Variants in COMMD3 observed in about 807,000 individuals in gnomAD.
COMMD3 encodes the protein COMM domain containing 3.
A neutral mutation model predicts 31.2 loss-of-function variants in COMMD3; 31 were observed. That is an observed-to-expected ratio of 0.99 (90% CI 0.75 to 1.34). The LOEUF (loss-of-function observed/expected upper bound fraction) is 1.34. Among genes scored for constraint, COMMD3 ranks in the 40% most tolerant of loss-of-function variants. The pLI, the probability that COMMD3 is intolerant of heterozygous loss-of-function variation, is 0.00. For synonymous variants in COMMD3, 108 were observed against 87.3 expected, an observed-to-expected ratio of 1.24 and a Z score of -1.32; for missense variants, 274 against 236.9, an observed-to-expected ratio of 1.16 and a Z score of -1.03.
At chr10:22,316,603 G>A (rs1007314644) in intron 1 of COMMD3, 47 bp downstream of exon 1, 143 of 1,442,358 alleles carry the variant, frequency 9.9e-5, no homozygotes, top group Non-Finnish European at 1.2e-4. Flanking sequence ...GGGGTGGAGG[G>A]GCGCTCGGAG....
In COMMD3 at chr10:22,320,014, G is replaced by A. The variant is rs767967200; in HGVS notation, c.*16G>A. The A allele has an allele frequency of 1.2e-6, 2 of 1,614,092 alleles. No individual in the cohort carries two copies. Among genetic ancestry groups the A allele is most frequent in the East Asian group, 4.5e-5 (2 of 44,880 alleles). On this transcript the variant is annotated 3_prime_UTR_variant, in exon 8 of 8. Coordinates refer to ENST00000376836, the MANE Select transcript of COMMD3 (RefSeq NM_012071.4). ...TCAGTTGTAACTTGGGGAAGTTAAC[G>A]ATCCGCCCGAGTGCAGAGGAAAACC... is the stretch of plus-strand genomic sequence containing the variant.
At chr10:22,316,685 G>A (rs1835856674) in intron 1 of COMMD3, 129 bp downstream of exon 1, 1 of 1,350,560 alleles carries the variant, frequency 7.4e-7, no homozygotes, top group South Asian at 1.7e-5. Context: ...CCTTCGCTCC[G>A]GACGGAGTGT....
At position 22,318,635 on chromosome 10, in the gene COMMD3, TATC is replaced by T. The variant is rs749486060; in HGVS notation, c.351-15_351-13del. 1 of 1,606,100 alleles carries T rather than the reference TATC, an allele frequency of 6.2e-7. No homozygotes were observed. The highest frequency in any genetic ancestry group is 2.2e-5 in the East Asian group (1 of 44,804). ...CTTCTGAGGAGACTATGTACGAAGT[TATC>T]ATTGCATCTTTCAGTATAGGCAGAT... On this transcript the variant is annotated splice_polypyrimidine_tract_variant and intron_variant, in intron 4 of 7. Transcript: ENST00000376836.
At position 22,317,935 on chromosome 10, in the gene COMMD3, C is replaced by G. The variant is rs758546043; in HGVS notation, c.191C>G (p.Ala64Gly). 1.2e-6 allele frequency: 2 copies of G among 1,613,886 alleles called. No homozygotes were observed. The highest frequency in any genetic ancestry group is 1.7e-6 in the Non-Finnish European group (2 of 1,179,946). The change falls in exon 2 of 8, where the codon GCA becomes GGA. Residue 64 changes from alanine (A) to glycine (G), a missense_variant. Ala to Gly is a moderately conservative substitution (Grantham distance 60). Coordinates refer to ENST00000376836, the MANE Select transcript of COMMD3 (RefSeq NM_012071.4). ...IDPVVLKHCHAAAATYILEAG... is the reference protein window; with the variant it reads ...IDPVVLKHCHGAAATYILEAG... The stretch of plus-strand genomic sequence containing the variant: ...CCAGTGGTTTTAAAACATTGTCATG[C>G]AGCAGCTGCAACTTACATACTAGAG...
intron 1 of COMMD3, 135 bp downstream of exon 1, chr10:22,316,691 A>G: frequency 7.5e-7 from 1 of 1,339,138 alleles, no homozygotes; most frequent in South Asian, 1.7e-5. Context: ...CTCCGGACGG[A>G]GTGTTGGGGA....
In COMMD3 at chr10:22,318,973, A is replaced by G; in HGVS notation, c.483A>G (p.Pro161=). The G allele has an allele frequency of 1.2e-6, 2 of 1,613,024 alleles. No homozygotes were observed. Among genetic ancestry groups the G allele is most frequent in the South Asian group, 2.2e-5 (2 of 90,938 alleles). The change falls in exon 7 of 8, where the codon CCA becomes CCG. Residue 161 remains proline, a synonymous_variant. Coordinates refer to ENST00000376836, the MANE Select transcript of COMMD3 (RefSeq NM_012071.4). ...VTLSVQNTDS[P]SYPEISFSCS... ...TCCTGCCCTAGAACACTGATTCCCC[A>G]TCCTATCCAGAGATTAGTTTTAGTT...
At chr10:22,319,760 G>T in intron 7 of COMMD3, 179 bp from the exon 8 acceptor site, 2 of 660,456 alleles carry the variant, frequency 3.0e-6, no homozygotes, top group South Asian at 2.0e-5. Context: ...TGAACATGAG[G>T]TATTTCCGAG....
chr10:22,316,575 CTCGGA>C lies in COMMD3; in HGVS notation c.139+20_139+24del. 2 of 1,532,674 alleles carry C rather than the reference CTCGGA, an allele frequency of 1.3e-6. No homozygotes were observed. The highest frequency in any genetic ancestry group is 1.8e-6 in the Non-Finnish European group (2 of 1,136,714). The allele number at this position is 1,532,674 out of a possible 1,614,324, so 94.9% of individuals were successfully genotyped here. A position where few individuals can be genotyped will look rare whatever the true frequency, so the allele number is the denominator to read the frequency against. Reference sequence around the variant, plus strand: ...GTGTTAGGTAAGCCGCTCGGCTCGGCTCGGAGCTGGATCCGCCGGGGTGGAGGGGC... The same window carrying C: ...GTGTTAGGTAAGCCGCTCGGCTCGGCGCTGGATCCGCCGGGGTGGAGGGGC... On this transcript the variant is annotated intron_variant, in intron 1 of 7. Coordinates refer to ENST00000376836, the MANE Select transcript of COMMD3 (RefSeq NM_012071.4).
chr10:22,318,793 TGTG>T lies in COMMD3; in HGVS notation c.412-12_412-10del. 1 of 1,614,018 alleles carries T rather than the reference TGTG, an allele frequency of 6.2e-7. No homozygotes were observed. The highest frequency in any genetic ancestry group is 8.5e-7 in the Non-Finnish European group (1 of 1,179,926). Reference sequence around the variant, plus strand: ...GAGTTAAAAGCTGTTGCGTGTTTGTTGTGTTATTTTAGACCAATCAACTTCATA... The same window carrying T: ...GAGTTAAAAGCTGTTGCGTGTTTGTTTTATTTTAGACCAATCAACTTCATA... On this transcript the variant is annotated splice_polypyrimidine_tract_variant and intron_variant, in intron 5 of 7. Transcript: ENST00000376836.
In COMMD3 at chr10:22,318,084, CT is replaced by C. The variant is rs528306454; in HGVS notation, c.252-12del. The C allele has an allele frequency of 4.4e-5, 70 of 1,599,444 alleles. No homozygotes were observed. The highest frequency in any genetic ancestry group is 3.3e-4 in the Middle Eastern group (2 of 5,984). On this transcript the variant is annotated intron_variant, in intron 2 of 7. Coordinates refer to ENST00000376836, the MANE Select transcript of COMMD3 (RefSeq NM_012071.4). Reference sequence around the variant, plus strand: ...TTTAAAAATGGAGACAGAACTTTGGCTTTTTTTTTCTTTCTTCTAGCACTTA... The same window carrying C: ...TTTAAAAATGGAGACAGAACTTTGGCTTTTTTTTCTTTCTTCTAGCACTTA...
In COMMD3 at chr10:22,319,997, A is replaced by C; in HGVS notation, c.587A>C (p.Ter196SerextTer40). 1 of 1,614,156 alleles carries C rather than the reference A, an allele frequency of 6.2e-7. No individual in the cohort carries two copies. Among genetic ancestry groups the C allele is most frequent in the South Asian group, 1.1e-5 (1 of 91,090 alleles). Residue 196 changes from the stop codon to serine (S), a stop_lost, in exon 8 of 8, where the codon TAA (stop) becomes TCA (serine). Transcript: ENST00000376836. ...SKSLERATQL[*>S] ...AGCCTGGAAAGAGCAACTCAGTTGT[A>C]ACTTGGGGAAGTTAACGATCCGCCC...
Position 22,316,649 on chromosome 10 carries a change from G to T in COMMD3, c.139+93G>T. 6 of 1,379,168 alleles carry T rather than the reference G, an allele frequency of 4.4e-6. No homozygotes were observed. The East Asian group carries it at 1.1e-4, about 26-fold the overall frequency. 85.4% of individuals were successfully genotyped at this position (1,379,168 alleles called of 1,614,324 possible). A position where few individuals can be genotyped will look rare whatever the true frequency, so the allele number is the denominator to read the frequency against. ...GGCGGAGCGAGAAGGGGAAAGCCCC[G>T]GGAAGAGGAAGTCTCCGGGCTTTGC... On this transcript the variant is annotated intron_variant, in intron 1 of 7. Transcript: ENST00000376836.
chr10:22,319,582 C>A, intron 7 of COMMD3: 1 of 176,328 alleles, frequency 5.7e-6, no homozygotes, highest in Non-Finnish European at 1.2e-5. Context: ...TTTTCAAAGG[C>A]ATCTTCTGCA....
intron 7 of COMMD3, 71 bp from the exon 8 acceptor site, chr10:22,319,868 T>A (rs942749980): frequency 7.0e-6 from 11 of 1,576,462 alleles, no homozygotes; most frequent in African/African-American, 2.7e-5. Flanking sequence ...TTTTCTTGCA[T>A]CTTTCTTGAG....
At chr10:22,318,330 G>A in intron 4 of COMMD3, 24 bp downstream of exon 4, 1 of 1,585,458 alleles carries the variant, frequency 6.3e-7, no homozygotes, top group Non-Finnish European at 8.5e-7. Flanking sequence ...AAGGTGTCAA[G>A]CTGAGGCACT....
At chr10:22,318,938 G>C (rs775584652) in intron 6 of COMMD3, 21 bp from the exon 7 acceptor site, 2 of 1,610,958 alleles carry the variant, frequency 1.2e-6, no homozygotes, top group Admixed American at 1.7e-5. Context: ...TTCTTGTTGC[G>C]TGTTTTTTTT....
intron 7 of COMMD3, 86 bp from the exon 8 acceptor site, chr10:22,319,853 A>ATTTTTTTTTTT: frequency 6.5e-7 from 1 of 1,537,852 alleles, no homozygotes; most frequent in Admixed American, 1.8e-5. Flanking sequence ...GTGTGTCCTG[A>ATTTTTTTTTTT]TTTTTTTTCT....
chr10:22,317,035 T>C (rs1172218443), intron 1 of COMMD3: 1 of 152,698 alleles, frequency 6.5e-6, no homozygotes, highest in East Asian at 1.9e-4. Context: ...ATACCTCAAG[T>C]TGCTATGATC....
chr10:22,319,464 A>T, intron 7 of COMMD3: 1 of 167,440 alleles, frequency 6.0e-6, no homozygotes, highest in Middle Eastern at 3.0e-3. Context: ...TTGCCCATTT[A>T]AGACTGGGAA....
Sources: allele counts gnomAD v4.1 joint callset, GRCh38; gene constraint gnomAD v4.1.1; transcripts MANE v1.5; gene names NCBI Gene and HGNC (gene_info 2026-07-23, HGNC 2026-07-21).